The following MALRD1 variants were observed in gnomAD, a reference collection of about 807,000 sequenced individuals.
MALRD1 encodes MAM and LDL-receptor class A domain-containing protein 1.
Under a neutral mutation model 242.1 loss-of-function variants are expected in MALRD1, and 247 were observed. The ratio of observed to expected loss-of-function variants is 1.02; its 90% CI spans 0.92 to 1.13. The LOEUF (loss-of-function observed/expected upper bound fraction) is 1.13, where lower values mean the gene tolerates loss of function less well. MALRD1 is among the 50% of genes most tolerant of loss of function. The pLI is 0.00. For missense variants in MALRD1, 2,989 were observed against 2,533.1 expected, an observed-to-expected ratio of 1.18 and a Z score of -3.86; for synonymous variants, 995 against 866.6, an observed-to-expected ratio of 1.15 and a Z score of -2.60.
chr10:19,254,537 T>C lies in MALRD1; in HGVS notation c.2992-3147T>C, dbSNP rs1199719073. Among the ~76,000 whole-genome samples the C allele has an allele frequency of 3.3e-5, 5 of 152,116 alleles. No individual in the cohort carries two copies. In the East Asian group the frequency reaches 9.7e-4, roughly 29 times the overall value. ...TTTTATAAGAACCTGCCAAATTAGTTGTATTAATATGGCTGTGCCATTTAG... is the reference window on the plus strand; with the variant it reads ...TTTTATAAGAACCTGCCAAATTAGTCGTATTAATATGGCTGTGCCATTTAG... On this transcript the variant is annotated intron_variant, in intron 18 of 39. Transcript: ENST00000454679.
At chr10:19,176,595 C>T (rs1055387267) in intron 14 of MALRD1, among the ~76,000 whole-genome samples, 10 of 150,436 alleles carry the variant, frequency 6.6e-5, no homozygotes, top group African/African-American at 2.2e-4. Flanking sequence ...AGGATGGTCT[C>T]GATCTCCTGA....
intron 36 of MALRD1, among the ~76,000 whole-genome samples, chr10:19,655,626 T>A (rs1841120214): frequency 6.7e-6 from 1 of 149,452 alleles, no homozygotes. Flanking sequence ...ATAATTGCTT[T>A]GTGAGATATA....
intron 32 of MALRD1, among the ~76,000 whole-genome samples, chr10:19,548,017 T>TTA (rs1835317262): frequency 1.5e-5 from 2 of 132,840 alleles, no homozygotes; most frequent in Non-Finnish European, 3.1e-5. Flanking sequence ...TTTTTTTTTT[T>TTA]GAGACAAAGT....
intron 1 of MALRD1, among the ~76,000 whole-genome samples, chr10:19,063,314 T>A (rs1834877896): frequency 6.6e-6 from 1 of 152,170 alleles, no homozygotes; most frequent in South Asian, 2.1e-4. Flanking sequence ...GTGGTTTCTA[T>A]CTCATCTCTT....
In MALRD1 at chr10:19,117,546, A is replaced by C. The variant is rs1173414044; in HGVS notation, c.695-5946A>C. 4.2e-4 allele frequency among the ~76,000 whole-genome samples: 64 copies of C among 152,296 alleles called. 2 individuals carry two copies. The highest frequency in any genetic ancestry group is 4.1e-3 in the Admixed American group (63 of 15,294). The stretch of plus-strand genomic sequence containing the variant: ...TTTAGTTATGTAGCTCTAGGGACAG[A>C]AGATTTGTAGCTATTATATGAATCT... On this transcript the variant is annotated intron_variant, in intron 5 of 39. Transcript: ENST00000454679.
chr10:19,122,545 T>C (rs1837099785), intron 5 of MALRD1, among the ~76,000 whole-genome samples: 1 of 151,964 alleles, frequency 6.6e-6, no homozygotes, highest in African/African-American at 2.4e-5. Flanking sequence ...TCACCTACAG[T>C]GTCTGTAGGT....
intron 33 of MALRD1, among the ~76,000 whole-genome samples, chr10:19,569,570 G>A (rs1293849033): frequency 2.0e-5 from 3 of 150,054 alleles, no homozygotes; most frequent in African/African-American, 7.3e-5. Context: ...AAAGTCTTCT[G>A]CAGCTCATGT....
At position 19,734,261 on chromosome 10, in the gene MALRD1, C is replaced by T; in HGVS notation, c.*24C>T. The stretch of plus-strand genomic sequence containing the variant: ...AGCAGCATCGAGACCAAGTCTGATC[C>T]AACATGTGTAGTTTCTAGAAAATTG... On this transcript the variant is annotated 3_prime_UTR_variant, in exon 40 of 40. Coordinates refer to ENST00000454679, the MANE Select transcript of MALRD1 (RefSeq NM_001142308.3). 1 of 1,513,466 alleles carries T rather than the reference C, an allele frequency of 6.6e-7. No homozygotes were observed. The highest frequency in any genetic ancestry group is 8.9e-7 in the Non-Finnish European group (1 of 1,126,908). The allele number at this position is 1,513,466 out of a possible 1,614,324, so 93.8% of individuals were successfully genotyped here. A position where few individuals can be genotyped will look rare whatever the true frequency, so the allele number is the denominator to read the frequency against.
chr10:19,555,690 C>A (rs988273692), intron 32 of MALRD1, among the ~76,000 whole-genome samples: 3 of 152,124 alleles, frequency 2.0e-5, no homozygotes, highest in African/African-American at 7.2e-5. Flanking sequence ...GTGTTTGTGG[C>A]ACCCAGTTCT....
intron 33 of MALRD1, among the ~76,000 whole-genome samples, chr10:19,581,256 A>C (rs1837106758): frequency 1.3e-5 from 2 of 151,628 alleles, no homozygotes; most frequent in African/African-American, 2.4e-5. Context: ...TTTAGGGTAC[A>C]TGTGCACAAT....
intron 28 of MALRD1, among the ~76,000 whole-genome samples, chr10:19,404,544 C>T (rs1847006380): frequency 1.3e-5 from 2 of 151,974 alleles, no homozygotes; most frequent in South Asian, 4.1e-4. Context: ...GTAGCTTCAG[C>T]ACTGTTAAAT....
At chr10:19,047,076 A>G (rs893826039), upstream of MALRD1, among the ~76,000 whole-genome samples, 2 of 152,150 alleles carry the variant, frequency 1.3e-5, no homozygotes, top group African/African-American at 2.4e-5. Context: ...TAGAATGATC[A>G]CTCTACTCTA....
intron 1 of MALRD1, among the ~76,000 whole-genome samples, chr10:19,050,741 C>T (rs1590358840): frequency 6.6e-6 from 1 of 152,114 alleles, no homozygotes; most frequent in Non-Finnish European, 1.5e-5. Flanking sequence ...CTGGAAGAGC[C>T]CTTACTGTTC....
At chr10:19,508,540 T>C (rs1268038919) in intron 31 of MALRD1, among the ~76,000 whole-genome samples, 1 of 152,218 alleles carries the variant, frequency 6.6e-6, no homozygotes, top group African/African-American at 2.4e-5. Context: ...ACTAGCCACA[T>C]GGAACTATTG....
chr10:19,338,839 TATTA>T lies in MALRD1; in HGVS notation c.3901+7262_3901+7265del, dbSNP rs567855149. ...TGATGTGCTGTCAAACAGTATGTAT[TATTA>T]ATTATTTCTAACTATATGTATATAT... is the stretch of plus-strand genomic sequence containing the variant. On this transcript the variant is annotated intron_variant, in intron 24 of 39. Transcript: ENST00000454679. Among the ~76,000 whole-genome samples, 13 of 150,358 alleles carry T rather than the reference TATTA, an allele frequency of 8.6e-5. No homozygotes were observed. The South Asian group carries it at 1.5e-3, about 17-fold the overall frequency.
chr10:19,581,984 T>C (rs1016220117), intron 33 of MALRD1, among the ~76,000 whole-genome samples: 1 of 152,184 alleles, frequency 6.6e-6, no homozygotes, highest in Non-Finnish European at 1.5e-5. Context: ...ATGGTGAGCA[T>C]TTTTTTCATG....
chr10:19,235,557 ACACACC>A (rs201403608), intron 18 of MALRD1, among the ~76,000 whole-genome samples: 4 of 139,950 alleles, frequency 2.9e-5, no homozygotes, highest in East Asian at 2.1e-4. Flanking sequence ...CTCAGGACAC[ACACACC>A]CACACCCACA....
intron 26 of MALRD1, among the ~76,000 whole-genome samples, chr10:19,374,329 T>A (rs1444810852): frequency 6.6e-6 from 1 of 152,206 alleles, no homozygotes; most frequent in Non-Finnish European, 1.5e-5. Context: ...CTATTGATGC[T>A]ATAGCCTGTT....
At chr10:19,598,785 G>T (rs917847201) in intron 34 of MALRD1, among the ~76,000 whole-genome samples, 1 of 152,052 alleles carries the variant, frequency 6.6e-6, no homozygotes, top group Non-Finnish European at 1.5e-5. Context: ...TAAAGTGGCA[G>T]GCAGAACCTG....
Sources: gnomAD v4.1 joint callset for allele counts (sites outside exome capture counted in the v4.1 genomes callset) on GRCh38, gnomAD v4.1.1 for gene constraint, MANE v1.5 for transcripts, NCBI Gene and HGNC (gene_info 2026-07-23, HGNC 2026-07-21) for gene names.